Variants in VWA3B observed in about 807,000 individuals in gnomAD.
The protein encoded by VWA3B is von Willebrand factor A domain containing 3B.
In VWA3B, 138 loss-of-function variants were observed where a neutral mutation model predicts 158.3. That is an observed-to-expected ratio of 0.87 (90% CI 0.76 to 1.00). The LOEUF is 1.00. VWA3B is among the 50% of genes least tolerant of loss of function. VWA3B has a pLI of 0.00. For missense variants in VWA3B, 1,555 were observed against 1,565.1 expected (o/e 0.99, Z 0.11); for synonymous variants, 596 against 587.3 (o/e 1.01, Z -0.21).
At position 98,162,916 on chromosome 2, in the gene VWA3B, G is replaced by T; in HGVS notation, c.1054G>T (p.Ala352Ser). ...GATGGAGGAAGCCTGCAGCACGCTG[G>T]CCCAGATCCAGAGGCTGGTGGCCGA... is the stretch of plus-strand genomic sequence containing the variant. ...QEMEEACSTLAQIQRLVAEPP... is the reference protein window; with the variant it reads ...QEMEEACSTLSQIQRLVAEPP... Residue 352 changes from alanine (A) to serine (S), a missense_variant, in exon 8 of 28, where the codon GCC becomes TCC. Coordinates refer to ENST00000477737, the MANE Select transcript of VWA3B (RefSeq NM_144992.5). 6.2e-7 allele frequency: 1 copy of T among 1,614,040 alleles called. No individual in the cohort carries two copies. Among genetic ancestry groups the T allele is most frequent in the Non-Finnish European group, 8.5e-7 (1 of 1,180,040 alleles).
chr2:98,109,384 T>C (rs1191746901), intron 2 of VWA3B, among the ~76,000 whole-genome samples: 2 of 152,230 alleles, frequency 1.3e-5, no homozygotes, highest in Non-Finnish European at 2.9e-5. Context: ...AATCTACTGA[T>C]GTCAACATTT....
intron 7 of VWA3B, among the ~76,000 whole-genome samples, chr2:98,158,722 A>C (rs1463782935): frequency 7.5e-6 from 1 of 133,488 alleles, no homozygotes; most frequent in African/African-American, 2.8e-5. Flanking sequence ...GGGGTGGTGG[A>C]GTCAAGACTA....
At chr2:98,182,320 A>C (rs187111269) in intron 9 of VWA3B, among the ~76,000 whole-genome samples, 520 of 152,314 alleles carry the variant, frequency 3.4e-3, no homozygotes, top group Middle Eastern at 0.02. Context: ...CTGGCCGGCC[A>C]CTGAGCCCTA....
chr2:98,184,126 A>G (rs1234400331), intron 9 of VWA3B, among the ~76,000 whole-genome samples: 1 of 152,110 alleles, frequency 6.6e-6, no homozygotes, highest in East Asian at 1.9e-4. Context: ...GGGCTTTCAC[A>G]CTGTGCTTTT....
chr2:98,136,276 C>T lies in VWA3B; in HGVS notation c.988+2337C>T, dbSNP rs565839499. On this transcript the variant is annotated intron_variant, in intron 7 of 27. Coordinates refer to ENST00000477737, the MANE Select transcript of VWA3B (RefSeq NM_144992.5). ...ACTATCTTAACCACTCTTAAGCTGA[C>T]AGTTCACTAGTGTTAAGTACATTCC... is the stretch of plus-strand genomic sequence containing the variant. 2.0e-5 allele frequency among the ~76,000 whole-genome samples: 3 copies of T among 152,294 alleles called. No individual in the cohort carries two copies. The South Asian group carries it at 6.2e-4, about 32-fold the overall frequency.
intron 2 of VWA3B, among the ~76,000 whole-genome samples, chr2:98,109,008 T>G (rs2104897162): frequency 6.6e-6 from 1 of 151,286 alleles, no homozygotes; most frequent in East Asian, 1.9e-4. Context: ...TTTTTTTTTT[T>G]TGAGACAGAG....
chr2:98,200,222 CT>C (rs1230792226), intron 12 of VWA3B, among the ~76,000 whole-genome samples: 3 of 152,052 alleles, frequency 2.0e-5, no homozygotes, highest in Non-Finnish European at 4.4e-5. Flanking sequence ...GATTGAGTTT[CT>C]TCAGGCTGGG....
At chr2:98,320,621 G>A in the VWA3B span, among the ~76,000 whole-genome samples, 1 of 152,220 alleles carries the variant, frequency 6.6e-6, no homozygotes, top group East Asian at 1.9e-4. Context: ...GTTGGGAACT[G>A]TAGTAAAGGT....
At position 98,230,030 on chromosome 2, in the gene VWA3B, T is replaced by G. The variant is rs758215126; in HGVS notation, c.2151-20T>G. 1.9e-6 allele frequency: 3 copies of G among 1,555,022 alleles called. No individual in the cohort carries two copies. ...TTTCTCTCTCTTTTTTTGCTCGACTTTTTATCTAAATCAAAACAGGCATCA... is the reference window on the plus strand; with the variant it reads ...TTTCTCTCTCTTTTTTTGCTCGACTGTTTATCTAAATCAAAACAGGCATCA... On this transcript the variant is annotated intron_variant, in intron 15 of 27. Transcript: ENST00000477737.
intron 21 of VWA3B, among the ~76,000 whole-genome samples, chr2:98,268,130 A>G (rs535930365): frequency 4.9e-5 from 7 of 142,912 alleles, no homozygotes; most frequent in Non-Finnish European, 9.6e-5. Flanking sequence ...AACTGGTACC[A>G]TTCCTTCTGA....
intron 5 of VWA3B, among the ~76,000 whole-genome samples, chr2:98,127,687 C>T (rs891204438): frequency 4.6e-5 from 7 of 150,722 alleles, no homozygotes; most frequent in Admixed American, 4.0e-4. Context: ...GCACTGCAGG[C>T]GGACCTGGCA....
intron 2 of VWA3B, among the ~76,000 whole-genome samples, chr2:98,112,725 A>G (rs932959613): frequency 6.6e-6 from 1 of 151,638 alleles, no homozygotes; most frequent in Non-Finnish European, 1.5e-5. Context: ...TATTTCTTCT[A>G]ATCTATTTTT....
intron 6 of VWA3B, among the ~76,000 whole-genome samples, chr2:98,132,880 C>T (rs897119239): frequency 6.6e-6 from 1 of 152,230 alleles, no homozygotes; most frequent in Non-Finnish European, 1.5e-5. Context: ...TGGGAAGAGA[C>T]TGAGGATTTC....
rs574884382 is a variant in VWA3B, at chr2:98,192,915, A to G, written c.1484A>G (p.Asp495Gly). Reference protein sequence around the residue: ...RIRRRIKWLQDGSQSLFGRLH... With the variant: ...RIRRRIKWLQGGSQSLFGRLH... ...CTGCCTAGGATTAAATGGCTACAGG[A>G]TGGGAGTCAAAGCCTCTTTGGAAGA... Residue 495 changes from aspartate to glycine, a missense_variant, in exon 11 of 28, where the codon GAT becomes GGT. Asp to Gly is a moderately conservative substitution (Grantham distance 94). Transcript: ENST00000477737. The G allele has an allele frequency of 1.2e-6, 2 of 1,614,188 alleles. No homozygotes were observed. Among genetic ancestry groups the G allele is most frequent in the South Asian group, 2.2e-5 (2 of 91,084 alleles).
chr2:98,198,446 A>G (rs766599072), intron 12 of VWA3B, among the ~76,000 whole-genome samples: 1 of 152,042 alleles, frequency 6.6e-6, no homozygotes, highest in Non-Finnish European at 1.5e-5. Context: ...TAGCGTGCTT[A>G]TGTCATTCAT....
At chr2:98,324,158 G>A in the VWA3B span, among the ~76,000 whole-genome samples, 1 of 151,804 alleles carries the variant, frequency 6.6e-6, no homozygotes, top group Non-Finnish European at 1.5e-5. Context: ...CTTGGCCCAC[G>A]TCTCTGACAC....
At chr2:98,106,505 G>A (rs538271043) in intron 2 of VWA3B, among the ~76,000 whole-genome samples, 1 of 151,924 alleles carries the variant, frequency 6.6e-6, no homozygotes, top group African/African-American at 2.4e-5. Context: ...AATGCTGAGT[G>A]TTTCAGTTCA....
chr2:98,262,878 T>G (rs1240220129), intron 21 of VWA3B, among the ~76,000 whole-genome samples: 3 of 151,958 alleles, frequency 2.0e-5, no homozygotes, highest in African/African-American at 7.2e-5. Context: ...TTAGGTAGTA[T>G]GGACATTTTA....
intron 17 of VWA3B, among the ~76,000 whole-genome samples, chr2:98,235,428 C>CTT (rs769181243): frequency 3.5e-5 from 5 of 142,448 alleles, no homozygotes; most frequent in Non-Finnish European, 6.2e-5. Flanking sequence ...CTTTTCCTCA[C>CTT]TTTTTTTTTT....
Sources: allele counts gnomAD v4.1 joint callset (sites outside exome capture counted in the v4.1 genomes callset), GRCh38; gene constraint gnomAD v4.1.1; transcripts MANE v1.5; gene names NCBI Gene and HGNC (gene_info 2026-07-23, HGNC 2026-07-21).